Variants in CREB3L2 observed in about 807,000 individuals in gnomAD.
CREB3L2 encodes cyclic AMP-responsive element-binding protein 3-like protein 2.
In CREB3L2, 23 loss-of-function variants were observed where a neutral mutation model predicts 57.2. The observed-to-expected ratio is 0.40, with a 90% CI of 0.29 to 0.57. The LOEUF is 0.57. Among genes scored for constraint, CREB3L2 ranks in the 20% least tolerant of loss-of-function variants. The pLI, the probability that CREB3L2 is intolerant of heterozygous loss-of-function variation, is 0.42. For synonymous variants in CREB3L2, 268 were observed against 265.1 expected (o/e 1.01, Z -0.11); for missense variants, 628 against 634.7 (o/e 0.99, Z 0.11).
At chr7:137,886,828 TGTGACATCAGC>T (rs1364299947) in intron 8 of CREB3L2, among the ~76,000 whole-genome samples, 1 of 152,118 alleles carries the variant, frequency 6.6e-6, no homozygotes, top group East Asian at 1.9e-4. Context: ...CTCTGCTCTG[TGTGACATCAGC>T]ACACAGAGCA....
chr7:137,993,666 T>G (rs1346058969), intron 1 of CREB3L2, among the ~76,000 whole-genome samples: 1 of 152,162 alleles, frequency 6.6e-6, no homozygotes, highest in Non-Finnish European at 1.5e-5. Flanking sequence ...ATTACAAGCA[T>G]GGGCTACCAC....
intron 1 of CREB3L2, among the ~76,000 whole-genome samples, chr7:137,977,795 C>T (rs1025187646): frequency 6.6e-6 from 1 of 152,044 alleles, no homozygotes; most frequent in African/African-American, 2.4e-5. Context: ...GTGGCGCACA[C>T]CTGTAGTTCC....
rs745515522 is a variant in CREB3L2 at position 137,905,663 on chromosome 7, C to T, written c.915+39G>A. The T allele has an allele frequency of 3.1e-6, 5 of 1,609,686 alleles. No individual in the cohort carries two copies. In the East Asian group the frequency reaches 6.7e-5, roughly 22 times the overall value. ...AAAGGGATGCTGACTCGATTCTGCT[C>T]GTCTCTGCTCTAGAAGTGCCTAGAT... On this transcript the variant is annotated intron_variant, in intron 6 of 11. Transcript: ENST00000330387.
chr7:137,910,812 G>A (rs530605023), intron 4 of CREB3L2, among the ~76,000 whole-genome samples: 23 of 152,154 alleles, frequency 1.5e-4, no homozygotes, highest in Non-Finnish European at 3.4e-4. Context: ...CTACAGAGCT[G>A]GCCAGAGGCA....
chr7:137,901,635 C>A (rs1368065713), intron 7 of CREB3L2, among the ~76,000 whole-genome samples: 2 of 150,338 alleles, frequency 1.3e-5, no homozygotes, highest in Admixed American at 1.3e-4. Flanking sequence ...AATCCCAGCA[C>A]TTTGGGAGGC....
intron 1 of CREB3L2, among the ~76,000 whole-genome samples, chr7:137,960,660 C>G (rs1171411385): frequency 6.6e-6 from 1 of 152,032 alleles, no homozygotes; most frequent in African/African-American, 2.4e-5. Flanking sequence ...ACAGGGGAAC[C>G]ATCTGAAATT....
intron 1 of CREB3L2, among the ~76,000 whole-genome samples, chr7:137,969,385 C>T (rs1296412640): frequency 2.1e-5 from 3 of 140,468 alleles, no homozygotes; most frequent in Non-Finnish European, 4.5e-5. Context: ...CTCATGCCGT[C>T]GCCCAGGCTG....
intron 1 of CREB3L2, among the ~76,000 whole-genome samples, chr7:137,951,131 T>C (rs1801084525): frequency 6.6e-6 from 1 of 152,192 alleles, no homozygotes; most frequent in African/African-American, 2.4e-5. Flanking sequence ...ATTACGCAGG[T>C]TCCTTTTCAT....
Position 137,908,392 on chromosome 7 carries a change from G to A in CREB3L2, c.628C>T (p.His210Tyr). The A allele has an allele frequency of 1.6e-6, 2 of 1,263,224 alleles. No homozygotes were observed. The highest frequency in any genetic ancestry group is 6.3e-5 in the East Asian group (2 of 31,836). 78.3% of individuals were successfully genotyped at this position (1,263,224 alleles called of 1,614,324 possible). ...LHLPPTPPSS[H>Y]GSDSEGSLSP... The stretch of plus-strand genomic sequence containing the variant: ...AGGCTGCCCTCTGAGTCACTGCCGT[G>A]ACTGCTCGGAGGGGTGGGCGGCAAA... The change falls in exon 5 of 12, where the codon CAC becomes TAC. Residue 210 changes from histidine (H) to tyrosine (Y), a missense_variant. This residue lies in a region of CREB3L2 where 339 missense variants were observed against 355.4 expected (regional missense o/e 0.95). Coordinates refer to ENST00000330387, the MANE Select transcript of CREB3L2 (RefSeq NM_194071.4).
In CREB3L2 at chr7:137,885,011, G is replaced by A. The variant is rs1485485741; in HGVS notation, c.1254C>T (p.Pro418=). 3.1e-6 allele frequency: 5 copies of A among 1,614,078 alleles called. No individual in the cohort carries two copies. In the African/African-American group the frequency reaches 4.0e-5, roughly 13 times the overall value. Residue 418 remains proline (P), a synonymous_variant, in exon 10 of 12, where the codon CCC becomes CCT. Transcript: ENST00000330387. ...CTGTCTTACCCACGGAGGCTGTGTA[G>A]GGCTCCTGCAGGGAATGCTGGCTGG... The part of the protein sequence containing the change: ...ALPSQHSLQE[P]YTASVVRSRN...
At position 137,922,396 on chromosome 7, in the gene CREB3L2, A is replaced by G. The variant is rs1241097324; in HGVS notation, c.319+5754T>C. On this transcript the variant is annotated intron_variant, in intron 2 of 11. Transcript: ENST00000330387. ...TATATATATATATGTATATATATATATATATATATATATATATATGTATAT... is the reference window on the plus strand; with the variant it reads ...TATATATATATATGTATATATATATGTATATATATATATATATATGTATAT... 1.0e-2 allele frequency among the ~76,000 whole-genome samples: 188 copies of G among 18,886 alleles called. 3 individuals carry two copies. Among genetic ancestry groups the G allele is most frequent in the African/African-American group, 0.041 (176 of 4,244 alleles). The allele number at this position is 18,886 out of a possible 152,430, so 12.4% of individuals were successfully genotyped here.
At chr7:137,986,348 A>G (rs545237226) in intron 1 of CREB3L2, among the ~76,000 whole-genome samples, 52 of 152,234 alleles carry the variant, frequency 3.4e-4, no homozygotes, top group Non-Finnish European at 7.1e-4. Flanking sequence ...AGGGCTTCCC[A>G]ACAGGTATGC....
At chr7:137,911,895 T>TC (rs971554142) in intron 4 of CREB3L2, among the ~76,000 whole-genome samples, 1 of 151,910 alleles carries the variant, frequency 6.6e-6, no homozygotes, top group African/African-American at 2.4e-5. Context: ...ATGGCATGAG[T>TC]GAAGGCACAG....
At chr7:137,916,484 G>A (rs992040410) in intron 2 of CREB3L2, among the ~76,000 whole-genome samples, 4 of 152,166 alleles carry the variant, frequency 2.6e-5, no homozygotes, top group African/African-American at 9.7e-5. Context: ...GGGATGCCAA[G>A]GCAAGAGAAT....
In CREB3L2 at chr7:137,876,465, C is replaced by G; in HGVS notation, c.*4011G>C. The G allele has an allele frequency of 4.3e-6, 1 of 230,838 alleles. No individual in the cohort carries two copies. Among genetic ancestry groups the G allele is most frequent in the Non-Finnish European group, 8.6e-6 (1 of 116,874 alleles). 14.3% of individuals were successfully genotyped at this position (230,838 alleles called of 1,614,324 possible). A position where few individuals can be genotyped will look rare whatever the true frequency, so the allele number is the denominator to read the frequency against. ...CAATCCCTTCTATTCCCCAATATTC[C>G]CTAGGGCCTCAGGCAACACTCTTCC... On this transcript the variant is annotated 3_prime_UTR_variant, in exon 12 of 12. Coordinates refer to ENST00000330387, the MANE Select transcript of CREB3L2 (RefSeq NM_194071.4).
chr7:137,891,620 G>A (rs1220419701), intron 8 of CREB3L2, among the ~76,000 whole-genome samples: 2 of 151,784 alleles, frequency 1.3e-5, no homozygotes, highest in Admixed American at 1.3e-4. Flanking sequence ...TTGTTGCCCA[G>A]GCTGGAGTGC....
At chr7:137,883,388 C>T (rs1799340951) in intron 10 of CREB3L2, among the ~76,000 whole-genome samples, 1 of 152,180 alleles carries the variant, frequency 6.6e-6, no homozygotes, top group African/African-American at 2.4e-5. Flanking sequence ...GAATACATTT[C>T]AAGACCCCCA....
At chr7:137,942,944 C>T (rs185302758) in intron 1 of CREB3L2, among the ~76,000 whole-genome samples, 3 of 152,204 alleles carry the variant, frequency 2.0e-5, no homozygotes, top group Admixed American at 6.5e-5. Flanking sequence ...GATGCAATGC[C>T]TCGGGGGTGG....
At chr7:137,946,766 TTA>T (rs1800986502) in intron 1 of CREB3L2, among the ~76,000 whole-genome samples, 1 of 38,824 alleles carries the variant, frequency 2.6e-5, no homozygotes, top group Non-Finnish European at 6.1e-5. Flanking sequence ...TCTATATAGT[TTA>T]GTTATCTATA....
Sources: allele counts gnomAD v4.1 joint callset (sites outside exome capture counted in the v4.1 genomes callset), GRCh38; gene constraint gnomAD v4.1.1; regional missense constraint gnomAD v4.1.1; transcripts MANE v1.5; gene names NCBI Gene and HGNC (gene_info 2026-07-23, HGNC 2026-07-21).